The following POMT1 variants were observed in gnomAD, a reference collection of about 807,000 sequenced individuals.
POMT1 encodes the protein protein O-mannosyltransferase 1, also known as protein O-mannosyl-transferase 1.
In POMT1, 85 loss-of-function variants were observed where a neutral mutation model predicts 101.6. That is an observed-to-expected ratio of 0.84 (90% CI 0.70 to 1.00). The LOEUF is 1.00. Ranked by LOEUF, POMT1 falls within the 50% of genes least tolerant of loss-of-function variation. The probability of loss-of-function intolerance (pLI) is 0.00; values close to 1 mark genes in which losing one functional copy is unlikely to be tolerated. For missense variants in POMT1, 857 were observed against 930.4 expected (o/e 0.92, Z 1.03); for synonymous variants, 371 against 383.0 (o/e 0.97, Z 0.37).
At position 131,523,398 on chromosome 9, in the gene POMT1, C is replaced by A; in HGVS notation, c.*292C>A. The A allele has an allele frequency of 2.4e-6, 1 of 410,096 alleles. No individual in the cohort carries two copies. Among genetic ancestry groups the A allele is most frequent in the Non-Finnish European group, 4.6e-6 (1 of 217,258 alleles). The allele number at this position is 410,096 out of a possible 1,614,324, so 25.4% of individuals were successfully genotyped here. A position where few individuals can be genotyped will look rare whatever the true frequency, so the allele number is the denominator to read the frequency against. On this transcript the variant is annotated 3_prime_UTR_variant, in exon 20 of 20. Coordinates refer to ENST00000402686, the MANE Select transcript of POMT1 (RefSeq NM_001077365.2). The stretch of plus-strand genomic sequence containing the variant: ...GTAGGAGTCATTGACAACAAAAAGC[C>A]GAGAACCCAGGGCCAGCAGTGGAGC...
chr9:131,521,059 T>G (rs1588491713), intron 17 of POMT1: 1 of 443,416 alleles, frequency 2.3e-6, no homozygotes, highest in Admixed American at 3.4e-5. Flanking sequence ...GGCAGGCTGG[T>G]CTCAAACTCC....
chr9:131,507,950 A>C (rs79396033), intron 5 of POMT1, among the ~76,000 whole-genome samples: 1 of 152,352 alleles, frequency 6.6e-6, no homozygotes, highest in East Asian at 1.9e-4. Flanking sequence ...AAGTTAGATT[A>C]GGCTGGGCGC....
intron 13 of POMT1, 144 bp from the exon 14 acceptor site, chr9:131,518,301 A>C (rs755668218): frequency 2.4e-6 from 2 of 821,302 alleles, no homozygotes; most frequent in Non-Finnish European, 4.3e-6. Context: ...GGCCAGTACC[A>C]GCCCCTTATA....
intron 13 of POMT1, among the ~76,000 whole-genome samples, chr9:131,517,815 G>T (rs1009953771): frequency 1.3e-5 from 2 of 152,216 alleles, no homozygotes; most frequent in African/African-American, 2.4e-5. Flanking sequence ...GGGAGCATGC[G>T]TGAGGTGTGC....
intron 18 of POMT1, 85 bp downstream of exon 18, chr9:131,521,557 T>C (rs1335163350): frequency 1.3e-6 from 2 of 1,496,280 alleles, no homozygotes; most frequent in East Asian, 4.6e-5. Flanking sequence ...CTTGAACTCC[T>C]GGGCTTAAGC....
rs750646014 is a variant in POMT1 at position 131,510,029 on chromosome 9, G to A, written c.699+33G>A. 1.1e-5 allele frequency: 17 copies of A among 1,614,140 alleles called. No homozygotes were observed. The highest frequency in any genetic ancestry group is 1.3e-5 in the Non-Finnish European group (15 of 1,179,990). Reference sequence around the variant, plus strand: ...CTGATGTCCAGTGCTGCATGAGGCCGGCCTGTATGGGGCAGATGCAGATGT... The same window carrying A: ...CTGATGTCCAGTGCTGCATGAGGCCAGCCTGTATGGGGCAGATGCAGATGT... On this transcript the variant is annotated intron_variant, in intron 8 of 19. Coordinates refer to ENST00000402686, the MANE Select transcript of POMT1 (RefSeq NM_001077365.2).
intron 13 of POMT1, among the ~76,000 whole-genome samples, chr9:131,516,158 T>TTCCG (rs71372742): frequency 2.5e-5 from 1 of 40,508 alleles, no homozygotes; most frequent in Non-Finnish European, 5.6e-5. Context: ...CACAGGACAC[T>TTCCG]CTCACACTCA....
At chr9:131,515,203 T>C (rs1456592560) in intron 12 of POMT1, among the ~76,000 whole-genome samples, 1 of 152,218 alleles carries the variant, frequency 6.6e-6, no homozygotes, top group Non-Finnish European at 1.5e-5. Context: ...TCCTTTTCTT[T>C]TGGAGATGTT....
At chr9:131,513,985 C>T (rs564211110) in intron 12 of POMT1, among the ~76,000 whole-genome samples, 7 of 152,342 alleles carry the variant, frequency 4.6e-5, no homozygotes, top group African/African-American at 1.7e-4. Context: ...CTCCACGACT[C>T]CCAGCTCCAC....
At position 131,522,336 on chromosome 9, in the gene POMT1, G is replaced by C. The variant is rs1396432761; in HGVS notation, c.2003+112G>C. The C allele has an allele frequency of 4.5e-6, 7 of 1,544,488 alleles. No homozygotes were observed. In the Admixed American group the frequency reaches 1.1e-4, roughly 25 times the overall value. On this transcript the variant is annotated intron_variant, in intron 19 of 19. Transcript: ENST00000402686. The surrounding 1 kb of genome is among the most constrained non-coding windows in gnomAD (Gnocchi z 5.5). ...AACCTCACCCATTTCACGTTACACT[G>C]ACATCCTCCGGGTCCCTCCGGGGAA... is the stretch of plus-strand genomic sequence containing the variant.
chr9:131,522,546 C>T lies in POMT1; in HGVS notation c.2003+322C>T, dbSNP rs1054177052. On this transcript the variant is annotated intron_variant, in intron 19 of 19. Transcript: ENST00000402686. The surrounding 1 kb of genome is among the most constrained non-coding windows in gnomAD (Gnocchi z 5.5). The stretch of plus-strand genomic sequence containing the variant: ...GAGCCTGGGGTGTCAGAAACGGCAG[C>T]TGGTTATGGTCGGGTTGTGTGGTGT... 8 of 536,260 alleles carry T rather than the reference C, an allele frequency of 1.5e-5. No individual in the cohort carries two copies. Among genetic ancestry groups the T allele is most frequent in the Admixed American group, 6.3e-5 (2 of 31,510 alleles). 33.2% of individuals were successfully genotyped at this position (536,260 alleles called of 1,614,324 possible). A position where few individuals can be genotyped will look rare whatever the true frequency, so the allele number is the denominator to read the frequency against.
At chr9:131,509,670 T>G (rs1006509767) in intron 6 of POMT1, 73 bp from the exon 7 acceptor site, 2 of 1,613,340 alleles carry the variant, frequency 1.2e-6, no homozygotes, top group Non-Finnish European at 8.5e-7. Flanking sequence ...CTCTGAAGAA[T>G]GTGGAGCTTC....
chr9:131,519,060 C>G lies in POMT1; in HGVS notation c.1486+103C>G. ...TCATTTTGGTGGGAAGGGAACTGAGCACATTCTCCATGCTCGGTGGCAGGT... is the reference window on the plus strand; with the variant it reads ...TCATTTTGGTGGGAAGGGAACTGAGGACATTCTCCATGCTCGGTGGCAGGT... On this transcript the variant is annotated intron_variant, in intron 15 of 19. Coordinates refer to ENST00000402686, the MANE Select transcript of POMT1 (RefSeq NM_001077365.2). The surrounding 1 kb of genome is among the most constrained non-coding windows in gnomAD (Gnocchi z 4.3). 6.4e-7 allele frequency: 1 copy of G among 1,550,966 alleles called. No homozygotes were observed. The highest frequency in any genetic ancestry group is 8.7e-7 in the Non-Finnish European group (1 of 1,144,600).
intron 5 of POMT1, 135 bp downstream of exon 5, chr9:131,507,649 G>A: frequency 7.8e-7 from 1 of 1,276,432 alleles, no homozygotes; most frequent in Non-Finnish European, 1.1e-6. Flanking sequence ...GACGCTGCAA[G>A]TCACCCGCTC....
chr9:131,513,918 G>A (rs1947704143), intron 12 of POMT1, among the ~76,000 whole-genome samples: 1 of 152,194 alleles, frequency 6.6e-6, no homozygotes, highest in Non-Finnish European at 1.5e-5. Context: ...CACAGGCCCA[G>A]TCCCGGGGCT....
At position 131,523,288 on chromosome 9, in the gene POMT1, T is replaced by C. The variant is rs535816758; in HGVS notation, c.*182T>C. The C allele has an allele frequency of 9.1e-4, 639 of 699,058 alleles. No individual in the cohort carries two copies. Among genetic ancestry groups the C allele is most frequent in the Admixed American group, 1.9e-3 (77 of 39,640 alleles). 43.3% of individuals were successfully genotyped at this position (699,058 alleles called of 1,614,324 possible). A position where few individuals can be genotyped will look rare whatever the true frequency, so the allele number is the denominator to read the frequency against. On this transcript the variant is annotated 3_prime_UTR_variant, in exon 20 of 20. Coordinates refer to ENST00000402686, the MANE Select transcript of POMT1 (RefSeq NM_001077365.2). The stretch of plus-strand genomic sequence containing the variant: ...GCTCTCTGATGAGCACCTCCTTTTG[T>C]GCAAAGTTAATTTTTTCTCGACAAT...
At chr9:131,518,351 C>G (rs779090819) in intron 13 of POMT1, 94 bp from the exon 14 acceptor site, 49 of 1,072,044 alleles carry the variant, frequency 4.6e-5, no homozygotes, top group Non-Finnish European at 6.5e-5. Context: ...GTCTCAGGCT[C>G]AAGTCAGTAT....
chr9:131,519,390 C>T lies in POMT1; in HGVS notation c.1488C>T (p.Ser496=), dbSNP rs727503872. The change falls in exon 16 of 20, where the codon AGC becomes AGT. Residue 496 remains serine, a splice_region_variant and synonymous_variant. Transcript: ENST00000402686. This position sits in a 1 kb window ranked among gnomAD's most constrained non-coding sequence, Gnocchi z 4.3. ...WNVEEHRYGA[S]QEQREREREL... ...TTATGCCCTTGTCTGTTCTGCCAGG[C>T]CAGGAGCAGAGGGAGCGGGAACGGG... The T allele has an allele frequency of 5.6e-5, 87 of 1,551,498 alleles. No individual in the cohort carries two copies. The highest frequency in any genetic ancestry group is 7.8e-5 in the Admixed American group (4 of 50,984).
intron 12 of POMT1, among the ~76,000 whole-genome samples, chr9:131,515,048 G>C (rs1336291207): frequency 6.6e-6 from 1 of 152,258 alleles, no homozygotes; most frequent in East Asian, 1.9e-4. Flanking sequence ...GCTGGGCGCA[G>C]GGGCGGGCAG....
Sources: allele counts gnomAD v4.1 joint callset (sites outside exome capture counted in the v4.1 genomes callset), GRCh38; gene constraint gnomAD v4.1.1; non-coding constraint Gnocchi (gnomAD v3.1); transcripts MANE v1.5; gene names NCBI Gene and HGNC (gene_info 2026-07-23, HGNC 2026-07-21).